Variants in CCSER1 observed in about 807,000 individuals in gnomAD.
CCSER1 encodes serine-rich coiled-coil domain-containing protein 1.
In CCSER1, 41 loss-of-function variants were observed where a neutral mutation model predicts 82.0. The observed-to-expected ratio is 0.50, with a 90% confidence interval of 0.39 to 0.65. The LOEUF (loss-of-function observed/expected upper bound fraction) is 0.65. Among genes scored for constraint, CCSER1 ranks in the 30% least tolerant of loss-of-function variants. The pLI, the probability that CCSER1 is intolerant of heterozygous loss-of-function variation, is 0.00. For synonymous variants in CCSER1, 414 were observed against 383.9 expected (o/e 1.08, Z -0.92); for missense variants, 1,119 against 1,064.2 (o/e 1.05, Z -0.72).
intron 10 of CCSER1, among the ~76,000 whole-genome samples, chr4:91,373,337 A>T (rs1750173288): frequency 6.6e-6 from 1 of 152,050 alleles, no homozygotes; most frequent in Admixed American, 6.6e-5. Context: ...CCCCGCCTCG[A>T]GCAAGTCTGT....
intron 9 of CCSER1, 102 bp from the exon 10 acceptor site, chr4:91,085,848 A>T: frequency 1.4e-6 from 1 of 724,698 alleles, no homozygotes; most frequent in Non-Finnish European, 2.4e-6. Context: ...CTTTGTTACG[A>T]ATAAGTGAAT....
At chr4:90,836,937 A>G (rs1335461521) in intron 8 of CCSER1, among the ~76,000 whole-genome samples, 3 of 152,232 alleles carry the variant, frequency 2.0e-5, no homozygotes, top group Admixed American at 6.5e-5. Flanking sequence ...CCAGTGTGGC[A>G]TTTGCAATGA....
intron 3 of CCSER1, among the ~76,000 whole-genome samples, chr4:90,363,708 A>G (rs1370299355): frequency 1.3e-5 from 2 of 152,128 alleles, no homozygotes; most frequent in Admixed American, 6.6e-5. Flanking sequence ...TTATTTTATT[A>G]AAATATGACC....
chr4:90,651,896 A>G (rs1163283258), intron 6 of CCSER1, among the ~76,000 whole-genome samples: 2 of 152,156 alleles, frequency 1.3e-5, no homozygotes, highest in Admixed American at 1.3e-4. Context: ...TTCCACCTGG[A>G]TTGCTTCATA....
rs1749299620 is a variant in CCSER1, at chr4:90,755,185, A to G, written c.2010+31194A>G. On this transcript the variant is annotated intron_variant, in intron 7 of 10. Coordinates refer to ENST00000509176, the MANE Select transcript of CCSER1 (RefSeq NM_001145065.2). ...AGAAAATATAGTGTGTTAATTGGAT[A>G]CTTTGCTACTCCAAATAACATCAGG... Among the ~76,000 whole-genome samples, 4 of 152,212 alleles carry G rather than the reference A, an allele frequency of 2.6e-5. No individual in the cohort carries two copies. The South Asian group carries it at 8.3e-4, about 32-fold the overall frequency.
At chr4:91,050,017 A>G (rs1267532273) in intron 9 of CCSER1, among the ~76,000 whole-genome samples, 1 of 152,080 alleles carries the variant, frequency 6.6e-6, no homozygotes, top group Non-Finnish European at 1.5e-5. Context: ...TTAGGCTTTT[A>G]TCTTCTGCTT....
At chr4:90,141,817 T>C (rs1442255684) in intron 1 of CCSER1, among the ~76,000 whole-genome samples, 1 of 152,208 alleles carries the variant, frequency 6.6e-6, no homozygotes, top group East Asian at 1.9e-4. Flanking sequence ...AGTTTAAGGA[T>C]ATGTTGTGTG....
At chr4:91,165,810 G>A (rs1195379640) in intron 10 of CCSER1, among the ~76,000 whole-genome samples, 4 of 152,218 alleles carry the variant, frequency 2.6e-5, no homozygotes, top group Non-Finnish European at 4.4e-5. Context: ...GTGCAGGATT[G>A]TCCCAATGTT....
At chr4:91,074,553 A>C (rs1200190649) in intron 9 of CCSER1, among the ~76,000 whole-genome samples, 1 of 152,154 alleles carries the variant, frequency 6.6e-6, no homozygotes, top group Non-Finnish European at 1.5e-5. Context: ...AGTTTTTAAG[A>C]CTATGATTTA....
chr4:91,216,482 G>A (rs1169046709), intron 10 of CCSER1, among the ~76,000 whole-genome samples: 1 of 152,024 alleles, frequency 6.6e-6, no homozygotes, highest in African/African-American at 2.4e-5. Flanking sequence ...ACCACACCCG[G>A]CTAATTTTTT....
At chr4:90,856,361 G>A (rs1460459871) in intron 8 of CCSER1, among the ~76,000 whole-genome samples, 1 of 152,076 alleles carries the variant, frequency 6.6e-6, no homozygotes, top group Non-Finnish European at 1.5e-5. Context: ...AACATTCGAT[G>A]TATCAAATTT....
chr4:91,381,462 C>G (rs1409883175), intron 10 of CCSER1, among the ~76,000 whole-genome samples: 1 of 151,994 alleles, frequency 6.6e-6, no homozygotes, highest in African/African-American at 2.4e-5. Flanking sequence ...ACTCTTTTTT[C>G]TGTAAACTTT....
At chr4:90,818,324 G>A (rs1170852545) in intron 8 of CCSER1, among the ~76,000 whole-genome samples, 1 of 149,222 alleles carries the variant, frequency 6.7e-6, no homozygotes, top group Non-Finnish European at 1.5e-5. Context: ...TCACCAGGCT[G>A]GAGTGCAGTG....
chr4:91,070,396 T>C (rs1186701403), intron 9 of CCSER1, among the ~76,000 whole-genome samples: 2 of 152,200 alleles, frequency 1.3e-5, no homozygotes, highest in Admixed American at 6.5e-5. Context: ...ACATTGCAAG[T>C]TAGTTTAGTT....
At chr4:90,187,798 A>C (rs989976437) in intron 1 of CCSER1, among the ~76,000 whole-genome samples, 1 of 151,970 alleles carries the variant, frequency 6.6e-6, no homozygotes, top group African/African-American at 2.4e-5. Flanking sequence ...TAAAGATGAA[A>C]AGGCTTTGTA....
At chr4:90,484,007 C>T (rs1410454035) in intron 5 of CCSER1, among the ~76,000 whole-genome samples, 2 of 152,194 alleles carry the variant, frequency 1.3e-5, no homozygotes, top group South Asian at 2.1e-4. Context: ...CTTTCAGGTA[C>T]ACCAATTAGA....
At chr4:90,861,910 A>G (rs945992247) in intron 8 of CCSER1, among the ~76,000 whole-genome samples, 1 of 121,824 alleles carries the variant, frequency 8.2e-6, no homozygotes, top group Non-Finnish European at 1.9e-5. Context: ...TGACTCATAT[A>G]TATATATATA....
At chr4:90,156,858 A>G (rs1728312232) in intron 1 of CCSER1, among the ~76,000 whole-genome samples, 1 of 152,198 alleles carries the variant, frequency 6.6e-6, no homozygotes, top group Non-Finnish European at 1.5e-5. Flanking sequence ...TAATTGGAAC[A>G]TTTAGTCCAG....
chr4:90,970,302 G>A (rs986801412), intron 9 of CCSER1, among the ~76,000 whole-genome samples: 4 of 151,744 alleles, frequency 2.6e-5, no homozygotes, highest in Non-Finnish European at 5.9e-5. Context: ...GTAAGGGTGA[G>A]TATAATTATA....
Sources: gnomAD v4.1 joint callset for allele counts (sites outside exome capture counted in the v4.1 genomes callset) on GRCh38, gnomAD v4.1.1 for gene constraint, MANE v1.5 for transcripts, NCBI Gene and HGNC (gene_info 2026-07-23, HGNC 2026-07-21) for gene names.